HECW2: variants seen among roughly 807,000 people sequenced by gnomAD.
The protein encoded by HECW2 is HECT, C2 and WW domain containing E3 ubiquitin protein ligase 2.
HECW2 carries 61 observed loss-of-function variants against 175.2 expected under a neutral mutation model. The ratio of observed to expected loss-of-function variants is 0.35; its 90% CI spans 0.28 to 0.43. The LOEUF is 0.43. Among genes scored for constraint, HECW2 ranks in the 20% least tolerant of loss-of-function variants. The probability of loss-of-function intolerance (pLI) is 1.00; values close to 1 mark genes in which losing one functional copy is unlikely to be tolerated. For synonymous variants in HECW2, 671 were observed against 731.0 expected, an observed-to-expected ratio of 0.92 and a Z score of 1.32; for missense variants, 1,524 against 2,000.5, an observed-to-expected ratio of 0.76 and a Z score of 4.54.
chr2:196,470,731 T>G (rs947765157), intron 1 of HECW2, among the ~76,000 whole-genome samples: 1 of 152,146 alleles, frequency 6.6e-6, no homozygotes, highest in African/African-American at 2.4e-5. Context: ...AAATAGAGTG[T>G]GGAGAAATAG....
chr2:196,511,730 T>A (rs768307989), intron 1 of HECW2, among the ~76,000 whole-genome samples: 1 of 150,604 alleles, frequency 6.6e-6, no homozygotes, highest in African/African-American at 2.4e-5. Context: ...ATGAGAAAAG[T>A]GTGTGATCCA....
chr2:196,574,636 T>C (rs1235742257), intron 1 of HECW2, among the ~76,000 whole-genome samples: 2 of 152,194 alleles, frequency 1.3e-5, no homozygotes, highest in Non-Finnish European at 2.9e-5. Context: ...ATGAAATTCC[T>C]ATCAAAATTC....
chr2:196,278,479 T>C, intron 15 of HECW2, 49 bp downstream of exon 15: 3 of 1,578,992 alleles, frequency 1.9e-6, no homozygotes, highest in Non-Finnish European at 2.6e-6. Context: ...CATCACATAC[T>C]AGAAGCTTCT....
chr2:196,379,751 C>T (rs957198934), intron 2 of HECW2, among the ~76,000 whole-genome samples: 11 of 150,812 alleles, frequency 7.3e-5, no homozygotes, highest in Non-Finnish European at 1.2e-4. Flanking sequence ...TGTGCAATTC[C>T]TCAATAAAAC....
At chr2:196,443,409 T>A (rs1233375702) in intron 1 of HECW2, among the ~76,000 whole-genome samples, 1 of 152,226 alleles carries the variant, frequency 6.6e-6, no homozygotes, top group Non-Finnish European at 1.5e-5. Context: ...CTCATTTATC[T>A]AAATACAGGA....
intron 1 of HECW2, among the ~76,000 whole-genome samples, chr2:196,574,681 T>C (rs1471820042): frequency 6.6e-6 from 1 of 152,134 alleles, no homozygotes; most frequent in Non-Finnish European, 1.5e-5. Context: ...TAAAATATCC[T>C]AAAAATTACA....
intron 2 of HECW2, among the ~76,000 whole-genome samples, chr2:196,362,448 A>C (rs908691272): frequency 1.3e-5 from 2 of 151,982 alleles, no homozygotes; most frequent in African/African-American, 2.4e-5. Flanking sequence ...TGATTTACTC[A>C]GAATAGAGTG....
chr2:196,307,005 T>C, intron 12 of HECW2, 125 bp downstream of exon 12: 1 of 612,004 alleles, frequency 1.6e-6, no homozygotes, highest in South Asian at 2.3e-5. Context: ...GTTTTTTGAG[T>C]TGGATTACCA....
intron 1 of HECW2, among the ~76,000 whole-genome samples, chr2:196,526,989 G>C (rs1688678418): frequency 6.6e-6 from 1 of 152,120 alleles, no homozygotes; most frequent in African/African-American, 2.4e-5. Flanking sequence ...GCCTCCTTGA[G>C]CTGTGGTGGG....
intron 1 of HECW2, among the ~76,000 whole-genome samples, chr2:196,568,345 G>A (rs7584443): frequency 0.048 from 7,259 of 152,128 alleles, 569 homozygotes; most frequent in African/African-American, 0.17. Context: ...ACTTAGTTTC[G>A]CCCACTCCTA....
intron 13 of HECW2, among the ~76,000 whole-genome samples, chr2:196,299,605 A>G (rs925630078): frequency 6.6e-6 from 1 of 152,166 alleles, no homozygotes; most frequent in African/African-American, 2.4e-5. Context: ...AAGAATATGC[A>G]TTTTATTTTT....
chr2:196,214,559 C>T (rs1687402071), intron 28 of HECW2, among the ~76,000 whole-genome samples: 1 of 152,078 alleles, frequency 6.6e-6, no homozygotes, highest in African/African-American at 2.4e-5. Flanking sequence ...ATAAAATGAG[C>T]TAGTTCTTTA....
At chr2:196,464,793 G>C (rs1244135631) in intron 1 of HECW2, among the ~76,000 whole-genome samples, 1 of 152,212 alleles carries the variant, frequency 6.6e-6, no homozygotes, top group African/African-American at 2.4e-5. Context: ...TGTAATCCCA[G>C]CACTTTGGGA....
chr2:196,253,530 A>G (rs1688936382), intron 19 of HECW2, among the ~76,000 whole-genome samples: 1 of 152,218 alleles, frequency 6.6e-6, no homozygotes, highest in African/African-American at 2.4e-5. Flanking sequence ...AAGTCCATTA[A>G]ACTGAACAAT....
In HECW2 at chr2:196,319,568, A is replaced by T; in HGVS notation, c.1322T>A (p.Met441Lys). 6.2e-7 allele frequency: 1 copy of T among 1,614,198 alleles called. No individual in the cohort carries two copies. Among genetic ancestry groups the T allele is most frequent in the Non-Finnish European group, 8.5e-7 (1 of 1,180,032 alleles). Reference protein sequence around the residue: ...PGTATCSERSMGASPKLRSSF... With the variant: ...PGTATCSERSKGASPKLRSSF... ...ACTCCTCAGTTTCGGAGAGGCACCC[A>T]TGGACCTCTCAGAGCAGGTCGCTGT... The change falls in exon 9 of 29, where the codon ATG (methionine) becomes AAG (lysine). Residue 441 changes from methionine (M) to lysine (K), a missense_variant. By Grantham distance (95) the Met-to-Lys change is moderately conservative (BLOSUM62 -1). This residue lies in a region of HECW2 where 604 missense variants were observed against 588.3 expected (regional missense o/e 1.03). Transcript: ENST00000644978.
At chr2:196,564,263 A>C (rs1369603883) in intron 1 of HECW2, among the ~76,000 whole-genome samples, 1 of 152,236 alleles carries the variant, frequency 6.6e-6, no homozygotes, top group African/African-American at 2.4e-5. Context: ...TCCAGATTAA[A>C]ATGAGATTAA....
At chr2:196,490,125 G>A (rs755270198) in intron 1 of HECW2, among the ~76,000 whole-genome samples, 8 of 152,070 alleles carry the variant, frequency 5.3e-5, no homozygotes, top group Non-Finnish European at 1.0e-4. Flanking sequence ...AAAAACAACA[G>A]AGGTGCCCAA....
At chr2:196,350,912 G>A (rs1030888807) in intron 2 of HECW2, among the ~76,000 whole-genome samples, 12 of 152,162 alleles carry the variant, frequency 7.9e-5, no homozygotes, top group Admixed American at 6.6e-4. Flanking sequence ...AAGAGTTTAC[G>A]GAGATCTCCT....
intron 1 of HECW2, among the ~76,000 whole-genome samples, chr2:196,565,287 T>C (rs1690146581): frequency 6.6e-6 from 1 of 152,184 alleles, no homozygotes; most frequent in Non-Finnish European, 1.5e-5. Context: ...ATTTGGGGAA[T>C]TTAATCTAAA....
Sources: allele counts gnomAD v4.1 joint callset (sites outside exome capture counted in the v4.1 genomes callset), GRCh38; gene constraint gnomAD v4.1.1; regional missense constraint gnomAD v4.1.1; transcripts MANE v1.5; gene names NCBI Gene and HGNC (gene_info 2026-07-23, HGNC 2026-07-21).